The following MEI4 variants were observed in gnomAD, a reference collection of about 807,000 sequenced individuals.
The protein encoded by MEI4 is meiotic double-stranded break formation protein 4.
In MEI4, 27 loss-of-function variants were observed where a neutral mutation model predicts 31.4. The observed-to-expected ratio is 0.86, with a 90% CI of 0.63 to 1.19. The LOEUF is 1.19. MEI4 is among the 50% of genes most tolerant of loss of function. MEI4 has a pLI of 0.00. For synonymous variants in MEI4, 122 were observed against 145.4 expected (o/e 0.84, Z 1.16); for missense variants, 329 against 398.9 (o/e 0.82, Z 1.49).
At chr6:77,801,030 T>C (rs1218565362) in intron 3 of MEI4, among the ~76,000 whole-genome samples, 2 of 151,376 alleles carry the variant, frequency 1.3e-5, no homozygotes, top group Admixed American at 1.3e-4. Flanking sequence ...GAGGATTCCC[T>C]CTTTTTCTAT....
intron 1 of MEI4, among the ~76,000 whole-genome samples, chr6:77,661,838 A>G (rs2446250): frequency 0.8 from 120,925 of 151,932 alleles, 48,685 homozygotes; most frequent in African/African-American, 0.93. Flanking sequence ...GGGAGTGACC[A>G]AAGTGAAGGA....
chr6:77,729,010 G>C (rs1287393112), intron 2 of MEI4, among the ~76,000 whole-genome samples: 1 of 152,220 alleles, frequency 6.6e-6, no homozygotes, highest in East Asian at 1.9e-4. Context: ...GTTAGAACAT[G>C]TAAGGCTCTA....
chr6:77,709,586 T>G (rs1561953630), intron 2 of MEI4, among the ~76,000 whole-genome samples: 1 of 152,298 alleles, frequency 6.6e-6, no homozygotes, highest in Admixed American at 6.5e-5. Context: ...TACATACTTT[T>G]TATAGTACTT....
chr6:77,909,512 A>C (rs904018322), intron 4 of MEI4, among the ~76,000 whole-genome samples: 3 of 152,210 alleles, frequency 2.0e-5, no homozygotes, highest in Admixed American at 6.6e-5. Context: ...AACCAGGAAG[A>C]AGTTGAATCT....
chr6:77,704,517 G>A (rs1766289751), intron 2 of MEI4, among the ~76,000 whole-genome samples: 1 of 152,204 alleles, frequency 6.6e-6, no homozygotes, highest in Non-Finnish European at 1.5e-5. Flanking sequence ...CCTTAGATCA[G>A]TGAATTCCCC....
At chr6:77,865,039 C>G (rs183372206) in intron 4 of MEI4, among the ~76,000 whole-genome samples, 337 of 152,114 alleles carry the variant, frequency 2.2e-3, no homozygotes, top group African/African-American at 7.4e-3. Flanking sequence ...CCAACGAGAA[C>G]AAAGACACAA....
intron 2 of MEI4, among the ~76,000 whole-genome samples, chr6:77,745,018 C>T (rs187634952): frequency 2.6e-4 from 39 of 152,214 alleles, no homozygotes; most frequent in Non-Finnish European, 4.6e-4. Context: ...CAAAATCATG[C>T]GAAATTGTAA....
At chr6:77,853,212 C>T (rs1474842254) in intron 4 of MEI4, among the ~76,000 whole-genome samples, 1 of 151,852 alleles carries the variant, frequency 6.6e-6, no homozygotes, top group Non-Finnish European at 1.5e-5. Context: ...AACAAACAAA[C>T]AAAAAAAGAC....
chr6:77,735,686 T>C (rs1342457273), intron 2 of MEI4, among the ~76,000 whole-genome samples: 2 of 152,130 alleles, frequency 1.3e-5, no homozygotes, highest in African/African-American at 4.8e-5. Flanking sequence ...AGGAGCTGCG[T>C]TCCTTTGGAG....
At chr6:77,783,956 A>C (rs1457219359) in intron 3 of MEI4, among the ~76,000 whole-genome samples, 1 of 149,408 alleles carries the variant, frequency 6.7e-6, no homozygotes, top group Non-Finnish European at 1.5e-5. Context: ...CAATTATAGC[A>C]ATCTAATCTT....
intron 1 of MEI4, among the ~76,000 whole-genome samples, chr6:77,660,746 G>T (rs996128251): frequency 6.6e-6 from 1 of 152,152 alleles, no homozygotes; most frequent in Non-Finnish European, 1.5e-5. Flanking sequence ...GGAAGAGGAG[G>T]GATTAGGCTG....
intron 2 of MEI4, among the ~76,000 whole-genome samples, chr6:77,707,028 T>C (rs1270229342): frequency 2.5e-5 from 3 of 118,144 alleles, no homozygotes; most frequent in Non-Finnish European, 6.0e-5. Context: ...AAAATGTGGA[T>C]GTGGTTTTGA....
At chr6:77,890,176 G>C (rs1018983774) in intron 4 of MEI4, among the ~76,000 whole-genome samples, 1 of 152,160 alleles carries the variant, frequency 6.6e-6, no homozygotes, top group Non-Finnish European at 1.5e-5. Flanking sequence ...TAGCTCCACA[G>C]ACAGCTTGCA....
intron 2 of MEI4, among the ~76,000 whole-genome samples, chr6:77,744,742 G>C (rs372906316): frequency 6.6e-6 from 1 of 152,290 alleles, no homozygotes; most frequent in East Asian, 1.9e-4. Flanking sequence ...ACCCACAAGG[G>C]GAAGCCCATC....
intron 2 of MEI4, among the ~76,000 whole-genome samples, chr6:77,704,591 C>T (rs552060773): frequency 7.2e-5 from 11 of 152,270 alleles, no homozygotes; most frequent in African/African-American, 2.6e-4. Context: ...CCCACCATTC[C>T]TGATTCTGTT....
intron 4 of MEI4, among the ~76,000 whole-genome samples, chr6:77,852,572 TTTG>T (rs773239124): frequency 3.8e-4 from 40 of 105,562 alleles, no homozygotes; most frequent in Non-Finnish European, 4.1e-4. Flanking sequence ...GTTTTTGTTT[TTTG>T]TTGTTGTTTG....
chr6:77,915,570 A>C (rs1766526647), intron 4 of MEI4, among the ~76,000 whole-genome samples: 1 of 151,676 alleles, frequency 6.6e-6, no homozygotes, highest in African/African-American at 2.4e-5. Flanking sequence ...TTTGCCTTTG[A>C]CTTTTGACAG....
chr6:77,904,639 A>G (rs1766253204), intron 4 of MEI4, among the ~76,000 whole-genome samples: 1 of 152,106 alleles, frequency 6.6e-6, no homozygotes, highest in Non-Finnish European at 1.5e-5. Context: ...GAGGACATGA[A>G]CTCATTCATT....
chr6:77,855,318 C>T (rs866193158), intron 4 of MEI4, among the ~76,000 whole-genome samples: 8 of 151,874 alleles, frequency 5.3e-5, no homozygotes, highest in East Asian at 1.9e-4. Flanking sequence ...GCACTCCAGC[C>T]GGGGCAACAC....
Sources: gnomAD v4.1 joint callset for allele counts (sites outside exome capture counted in the v4.1 genomes callset) on GRCh38, gnomAD v4.1.1 for gene constraint, MANE v1.5 for transcripts, NCBI Gene and HGNC (gene_info 2026-07-23, HGNC 2026-07-21) for gene names.